CDK6: variants seen among roughly 807,000 people sequenced by gnomAD.
CDK6 encodes the protein cyclin-dependent kinase 6.
Under a neutral mutation model 37.1 loss-of-function variants are expected in CDK6, and 6 were observed. The observed-to-expected ratio is 0.16, with a 90% CI of 0.09 to 0.32. CDK6 has a LOEUF of 0.32. CDK6 is among the 10% of genes least tolerant of loss of function. The pLI, the probability that CDK6 is intolerant of heterozygous loss-of-function variation, is 1.00. For synonymous variants in CDK6, 160 were observed against 161.3 expected (o/e 0.99, Z 0.06); for missense variants, 224 against 418.9 (o/e 0.53, Z 4.06).
intron 6 of CDK6, among the ~76,000 whole-genome samples, chr7:92,619,489 C>G (rs577743689): frequency 2.0e-5 from 3 of 151,680 alleles, no homozygotes; most frequent in Non-Finnish European, 2.9e-5. Flanking sequence ...ATTTTAACTA[C>G]AGTTAGAAAT....
At chr7:92,706,486 C>A (rs1404454237) in intron 4 of CDK6, among the ~76,000 whole-genome samples, 1 of 152,210 alleles carries the variant, frequency 6.6e-6, no homozygotes, top group Non-Finnish European at 1.5e-5. Flanking sequence ...CATCTGCCTT[C>A]CACTCTATAG....
chr7:92,794,187 C>T (rs1278977565), intron 2 of CDK6, among the ~76,000 whole-genome samples: 1 of 152,152 alleles, frequency 6.6e-6, no homozygotes, highest in East Asian at 1.9e-4. Flanking sequence ...ATAGCTAACA[C>T]TTACTGAGTG....
intron 2 of CDK6, among the ~76,000 whole-genome samples, chr7:92,803,172 CATA>C (rs1220754334): frequency 6.6e-6 from 1 of 152,156 alleles, no homozygotes; most frequent in Non-Finnish European, 1.5e-5. Flanking sequence ...CAATCAACCA[CATA>C]ATAAGCACTT....
At chr7:92,739,978 A>C (rs1392953264) in intron 3 of CDK6, among the ~76,000 whole-genome samples, 1 of 152,030 alleles carries the variant, frequency 6.6e-6, no homozygotes, top group Admixed American at 6.6e-5. Context: ...AGGCTGGTCT[A>C]AACACCTGGG....
At chr7:92,788,212 T>C in intron 2 of CDK6, among the ~76,000 whole-genome samples, 1 of 152,318 alleles carries the variant, frequency 6.6e-6, no homozygotes, top group East Asian at 1.9e-4. Flanking sequence ...GTTTGATCTT[T>C]GTTCTAGAAG....
chr7:92,690,274 T>G (rs1301857300), intron 4 of CDK6, among the ~76,000 whole-genome samples: 1 of 152,230 alleles, frequency 6.6e-6, no homozygotes, highest in Non-Finnish European at 1.5e-5. Flanking sequence ...ATTTAAGTCT[T>G]TAATTCACCT....
At chr7:92,617,255 T>C (rs1269078042) in intron 7 of CDK6, among the ~76,000 whole-genome samples, 5 of 151,950 alleles carry the variant, frequency 3.3e-5, no homozygotes, top group African/African-American at 4.8e-5. Flanking sequence ...TTCAGGGGCA[T>C]TGCATATTTC....
chr7:92,725,261 G>A (rs1485281761), intron 4 of CDK6: 11 of 985,392 alleles, frequency 1.1e-5, no homozygotes, highest in Middle Eastern at 5.2e-4. Flanking sequence ...ACAGGTCAAC[G>A]TTGCTCGTGC....
chr7:92,709,733 T>C (rs1798044813), intron 4 of CDK6, among the ~76,000 whole-genome samples: 1 of 152,148 alleles, frequency 6.6e-6, no homozygotes, highest in Admixed American at 6.5e-5. Context: ...TCTTATTGCC[T>C]CACTGTTTTT....
intron 3 of CDK6, among the ~76,000 whole-genome samples, chr7:92,766,252 GATGGGTTAA>G (rs1331572170): frequency 2.0e-5 from 3 of 152,188 alleles, no homozygotes; most frequent in Non-Finnish European, 4.4e-5. Flanking sequence ...GAAGCTGGTT[GATGGGTTAA>G]ACTAGAACTA....
intron 3 of CDK6, among the ~76,000 whole-genome samples, chr7:92,742,103 T>C (rs1407429958): frequency 1.3e-5 from 2 of 152,172 alleles, no homozygotes; most frequent in South Asian, 2.1e-4. Context: ...GTTTTTAAGA[T>C]TTACTCAGTT....
Position 92,833,666 on chromosome 7 carries a change from G to T in CDK6, c.-343C>A, listed in dbSNP as rs1801561835. ...ACGATTACATAGCCTCTGCCCAAGC[G>T]CGTCTCAGTCCAGAATCATTGCACC... is the stretch of plus-strand genomic sequence containing the variant. On this transcript the variant is annotated 5_prime_UTR_variant, in exon 2 of 8. Coordinates refer to ENST00000424848, the MANE Select transcript of CDK6 (RefSeq NM_001145306.2). The surrounding 1 kb of genome is among the most constrained non-coding windows in gnomAD (Gnocchi z 6.1). The T allele has an allele frequency of 2.1e-6, 1 of 478,762 alleles. No individual in the cohort carries two copies. Among genetic ancestry groups the T allele is most frequent in the African/African-American group, 2.0e-5 (1 of 48,908 alleles). 29.7% of individuals were successfully genotyped at this position (478,762 alleles called of 1,614,324 possible). A position where few individuals can be genotyped will look rare whatever the true frequency, so the allele number is the denominator to read the frequency against.
intron 3 of CDK6, among the ~76,000 whole-genome samples, chr7:92,749,105 A>G (rs1260125884): frequency 6.6e-6 from 1 of 151,812 alleles, no homozygotes; most frequent in Non-Finnish European, 1.5e-5. Context: ...GGGCTGAGGC[A>G]GGAGAATTGC....
intron 5 of CDK6, among the ~76,000 whole-genome samples, chr7:92,644,975 T>C (rs1199049557): frequency 6.6e-6 from 1 of 152,194 alleles, no homozygotes; most frequent in African/African-American, 2.4e-5. Context: ...GCCCTCTCTG[T>C]TACAGCTTGG....
chr7:92,702,788 T>C (rs553877536), intron 4 of CDK6, among the ~76,000 whole-genome samples: 1 of 152,256 alleles, frequency 6.6e-6, no homozygotes, highest in South Asian at 2.1e-4. Context: ...GGAAGTGAAT[T>C]CCTGGAGGCC....
chr7:92,741,011 T>C (rs1448079189), intron 3 of CDK6, among the ~76,000 whole-genome samples: 4 of 152,114 alleles, frequency 2.6e-5, no homozygotes. Context: ...AACCAACAAG[T>C]TTACAATGAG....
chr7:92,793,293 A>G (rs1024479644), intron 2 of CDK6, among the ~76,000 whole-genome samples: 2 of 152,122 alleles, frequency 1.3e-5, no homozygotes, highest in African/African-American at 4.8e-5. Flanking sequence ...GAATAGCAAA[A>G]AACAATCTTG....
intron 2 of CDK6, among the ~76,000 whole-genome samples, chr7:92,814,663 C>T (rs2115955323): frequency 6.6e-6 from 1 of 151,816 alleles, no homozygotes; most frequent in East Asian, 1.9e-4. Flanking sequence ...TATTTGCCTC[C>T]ATTCTTTCTC....
At chr7:92,811,026 C>T (rs571926102) in intron 2 of CDK6, among the ~76,000 whole-genome samples, 7 of 151,484 alleles carry the variant, frequency 4.6e-5, no homozygotes, top group South Asian at 4.2e-4. Flanking sequence ...AGATCGCGCC[C>T]GGTGACAGAA....
Sources: allele counts gnomAD v4.1 joint callset (sites outside exome capture counted in the v4.1 genomes callset), GRCh38; gene constraint gnomAD v4.1.1; non-coding constraint Gnocchi (gnomAD v3.1); transcripts MANE v1.5; gene names NCBI Gene and HGNC (gene_info 2026-07-23, HGNC 2026-07-21).